ERI1: variants seen among roughly 807,000 people sequenced by gnomAD.
The protein encoded by ERI1 is 3'-5' exoribonuclease 1.
In ERI1, 39 loss-of-function variants were observed where a neutral mutation model predicts 39.7. The observed-to-expected ratio is 0.98, with a 90% CI of 0.76 to 1.28. The LOEUF (loss-of-function observed/expected upper bound fraction) is 1.28, where lower values mean the gene tolerates loss of function less well. Ranked by LOEUF, ERI1 falls within the 50% of genes most tolerant of loss-of-function variation. ERI1 has a pLI of 0.00. For synonymous variants in ERI1, 204 were observed against 149.6 expected, an observed-to-expected ratio of 1.36 and a Z score of -2.65; for missense variants, 581 against 416.9, an observed-to-expected ratio of 1.39 and a Z score of -3.43.
chr8:9,049,218 C>T (rs1433844548), intron 3 of ERI1, among the ~76,000 whole-genome samples: 2 of 150,910 alleles, frequency 1.3e-5, no homozygotes, highest in East Asian at 3.9e-4. Context: ...AGCCTGTAAT[C>T]CCAGCTACTC....
chr8:9,038,348 C>G (rs1412143078), intron 3 of ERI1, among the ~76,000 whole-genome samples: 1 of 152,236 alleles, frequency 6.6e-6, no homozygotes, highest in African/African-American at 2.4e-5. Flanking sequence ...GAGGGAGACA[C>G]CACATTCACA....
chr8:9,087,621 T>C (rs1198420355), intron 3 of ERI1, among the ~76,000 whole-genome samples: 1 of 152,202 alleles, frequency 6.6e-6, no homozygotes, highest in Non-Finnish European at 1.5e-5. Context: ...TGTGTAATTA[T>C]ATGTGTTTTA....
At chr8:9,066,643 C>T (rs1014726675) in intron 3 of ERI1, among the ~76,000 whole-genome samples, 3 of 152,040 alleles carry the variant, frequency 2.0e-5, no homozygotes, top group Admixed American at 6.6e-5. Context: ...GTTATGAGTG[C>T]CGGTCATTGT....
chr8:9,087,219 A>T (rs1400629093), intron 3 of ERI1, among the ~76,000 whole-genome samples: 1 of 150,040 alleles, frequency 6.7e-6, no homozygotes, highest in East Asian at 2.0e-4. Flanking sequence ...CCTTCATCTT[A>T]TTTTTATTTA....
chr8:9,088,274 A>G (rs1799590403), intron 3 of ERI1, among the ~76,000 whole-genome samples: 1 of 152,172 alleles, frequency 6.6e-6, no homozygotes, highest in South Asian at 2.1e-4. Flanking sequence ...AATTAAAAAA[A>G]AAAAAAAATT....
Position 9,032,900 on chromosome 8 carries a change from C to G in ERI1, c.*2866C>G, listed in dbSNP as rs1176116379. On this transcript the variant is annotated 3_prime_UTR_variant, in exon 7 of 7. Transcript: ENST00000250263. ...CAAAGTCTGAGAAGGATGTATTGTA[C>G]TTTGAAGGAAGACTTTCCATTTCTA... 1 of 152,182 alleles carries G rather than the reference C, an allele frequency of 6.6e-6. No individual in the cohort carries two copies. The highest frequency in any genetic ancestry group is 1.5e-5 in the Non-Finnish European group (1 of 68,032). 9.4% of individuals were successfully genotyped at this position (152,182 alleles called of 1,614,324 possible). A position where few individuals can be genotyped will look rare whatever the true frequency, so the allele number is the denominator to read the frequency against.
chr8:9,054,321 T>G (rs1226548385), intron 3 of ERI1, among the ~76,000 whole-genome samples: 3 of 152,240 alleles, frequency 2.0e-5, no homozygotes, highest in Non-Finnish European at 4.4e-5. Context: ...TCGGCTGCAC[T>G]TTTTTGTAGG....
chr8:9,099,610 A>G (rs2117502165), intron 3 of ERI1, among the ~76,000 whole-genome samples: 1 of 151,854 alleles, frequency 6.6e-6, no homozygotes, highest in African/African-American at 2.4e-5. Flanking sequence ...AAAAAAAAAA[A>G]AAAAAGAAAG....
chr8:9,022,076 G>A (rs774519029), intron 6 of ERI1, among the ~76,000 whole-genome samples: 2 of 151,918 alleles, frequency 1.3e-5, no homozygotes, highest in Non-Finnish European at 2.9e-5. Flanking sequence ...TACAAAAATA[G>A]TTTTCCAATG....
At chr8:9,088,896 G>A (rs1414456041) in intron 3 of ERI1, among the ~76,000 whole-genome samples, 1 of 152,208 alleles carries the variant, frequency 6.6e-6, no homozygotes, top group Admixed American at 6.5e-5. Flanking sequence ...GGTCATGCGG[G>A]TGAGTTAATA....
intron 3 of ERI1, among the ~76,000 whole-genome samples, chr8:9,038,387 A>G (rs1797916973): frequency 6.6e-6 from 1 of 152,224 alleles, no homozygotes; most frequent in African/African-American, 2.4e-5. Flanking sequence ...GCTTGTCATC[A>G]GGTTTTACTC....
intron 3 of ERI1, among the ~76,000 whole-genome samples, chr8:9,057,346 C>G (rs1247101923): frequency 1.3e-5 from 2 of 152,140 alleles, no homozygotes; most frequent in Non-Finnish European, 2.9e-5. Flanking sequence ...TTTTCAGGTG[C>G]TTTGCCCAAC....
At chr8:9,093,446 T>G (rs562422639) in intron 3 of ERI1, among the ~76,000 whole-genome samples, 116 of 139,510 alleles carry the variant, frequency 8.3e-4, no homozygotes, top group Non-Finnish European at 1.5e-3. Flanking sequence ...ATTACAAATA[T>G]AGACACAGGT....
At chr8:9,037,885 C>G (rs1420999519), downstream of ERI1, among the ~76,000 whole-genome samples, 1 of 77,654 alleles carries the variant, frequency 1.3e-5, no homozygotes, top group African/African-American at 4.1e-5. Context: ...CTGTACATTG[C>G]TGATTTAAAA....
intron 3 of ERI1, among the ~76,000 whole-genome samples, chr8:9,097,692 T>G (rs1490117758): frequency 6.7e-6 from 1 of 150,240 alleles, no homozygotes; most frequent in African/African-American, 2.4e-5. Flanking sequence ...AAAGAGTAAT[T>G]TATCATTTAG....
intron 3 of ERI1, chr8:9,096,632 C>T (rs1799884111): frequency 6.8e-6 from 1 of 147,072 alleles, no homozygotes. Context: ...TTCAGGCATG[C>T]TTTGAGAAGA....
At chr8:9,015,740 A>AAAAAAAAAAAAAAAAAG (rs1182633803) in intron 3 of ERI1, among the ~76,000 whole-genome samples, 3 of 148,522 alleles carry the variant, frequency 2.0e-5, no homozygotes, top group South Asian at 4.2e-4. Context: ...AAAAAAAAAA[A>AAAAAAAAAAAAAAAAAG]AGAGACCATC....
chr8:9,092,460 C>G (rs1274964571), intron 3 of ERI1, among the ~76,000 whole-genome samples: 1 of 152,318 alleles, frequency 6.6e-6, no homozygotes, highest in East Asian at 1.9e-4. Context: ...TAGCCACAAA[C>G]TGGTTCATTG....
At chr8:9,041,045 C>A (rs139683217) in intron 3 of ERI1, among the ~76,000 whole-genome samples, 337 of 152,324 alleles carry the variant, frequency 2.2e-3, no homozygotes, top group Non-Finnish European at 3.7e-3. Flanking sequence ...AGCCCCCAGG[C>A]ACTTGCTCCG....
Sources: allele counts gnomAD v4.1 joint callset (sites outside exome capture counted in the v4.1 genomes callset), GRCh38; gene constraint gnomAD v4.1.1; transcripts MANE v1.5; gene names NCBI Gene and HGNC (gene_info 2026-07-23, HGNC 2026-07-21).